GRM7: variants seen among roughly 807,000 people sequenced by gnomAD.
GRM7 encodes metabotropic glutamate receptor 7.
In GRM7, 35 loss-of-function variants were observed where a neutral mutation model predicts 84.5. The observed-to-expected ratio is 0.41, with a 90% CI of 0.32 to 0.55. The LOEUF is 0.55. Ranked by LOEUF, GRM7 falls within the 20% of genes least tolerant of loss-of-function variation. The pLI, the probability that GRM7 is intolerant of heterozygous loss-of-function variation, is 0.19. For synonymous variants in GRM7, 487 were observed against 455.1 expected (o/e 1.07, Z -0.89); for missense variants, 1,003 against 1,194.6 (o/e 0.84, Z 2.36).
At chr3:7,200,795 G>A (rs929056037) in intron 2 of GRM7, among the ~76,000 whole-genome samples, 3 of 152,052 alleles carry the variant, frequency 2.0e-5, no homozygotes, top group African/African-American at 7.2e-5. Context: ...CATCTCAAGT[G>A]ACTGCAACAA....
chr3:7,729,042 CTTT>C (rs5846541), intron 9 of GRM7, among the ~76,000 whole-genome samples: 51 of 55,866 alleles, frequency 9.1e-4, no homozygotes, highest in South Asian at 4.2e-3. Context: ...TGCCCTCAGG[CTTT>C]TTTTTTTTTT....
At chr3:7,659,493 T>C (rs1424385191) in intron 8 of GRM7, among the ~76,000 whole-genome samples, 1 of 152,104 alleles carries the variant, frequency 6.6e-6, no homozygotes, top group Non-Finnish European at 1.5e-5. Context: ...GCACCAAGCC[T>C]GACACATAGT....
chr3:7,347,249 T>C (rs1220616105), intron 4 of GRM7, among the ~76,000 whole-genome samples: 1 of 152,148 alleles, frequency 6.6e-6, no homozygotes, highest in Non-Finnish European at 1.5e-5. Context: ...TGCTTAAAAC[T>C]ATTTCAAGGC....
intron 7 of GRM7, among the ~76,000 whole-genome samples, chr3:7,467,946 A>G (rs186137130): frequency 1.1e-3 from 168 of 152,338 alleles, no homozygotes; most frequent in African/African-American, 3.7e-3. Flanking sequence ...CAAAAGTTGT[A>G]ATGTTTGTTC....
intron 8 of GRM7, among the ~76,000 whole-genome samples, chr3:7,597,289 A>C (rs772840485): frequency 1.3e-5 from 2 of 152,102 alleles, no homozygotes; most frequent in Non-Finnish European, 2.9e-5. Context: ...CCCACTAGCT[A>C]TTGCAAAGAC....
At chr3:6,924,162 A>C (rs913856930) in intron 1 of GRM7, among the ~76,000 whole-genome samples, 1 of 152,194 alleles carries the variant, frequency 6.6e-6, no homozygotes, top group Non-Finnish European at 1.5e-5. Context: ...AATTCTTCCC[A>C]TCTGCTCTCG....
chr3:7,242,934 G>C (rs956330256), intron 2 of GRM7, among the ~76,000 whole-genome samples: 3 of 152,110 alleles, frequency 2.0e-5, no homozygotes, highest in South Asian at 2.1e-4. Flanking sequence ...CCATAAAATA[G>C]TGTAGATTAA....
intron 1 of GRM7, among the ~76,000 whole-genome samples, chr3:6,973,893 T>C (rs1198215032): frequency 6.6e-6 from 1 of 152,152 alleles, no homozygotes; most frequent in African/African-American, 2.4e-5. Context: ...AAAGTCATGG[T>C]AGAAATTTGA....
chr3:7,326,284 C>T (rs1053311676), intron 4 of GRM7, among the ~76,000 whole-genome samples: 1 of 122,470 alleles, frequency 8.2e-6, no homozygotes, highest in Non-Finnish European at 1.8e-5. Flanking sequence ...ATAGGTGTCT[C>T]ACTTCTTCAG....
At chr3:7,399,863 G>T (rs963600011) in intron 4 of GRM7, among the ~76,000 whole-genome samples, 2 of 152,104 alleles carry the variant, frequency 1.3e-5, no homozygotes, top group Admixed American at 1.3e-4. Context: ...GCTGTGAGCC[G>T]TGCTTTTTGT....
chr3:7,240,272 A>C (rs188234628), intron 2 of GRM7, among the ~76,000 whole-genome samples: 69 of 151,798 alleles, frequency 4.5e-4, no homozygotes, highest in African/African-American at 1.6e-3. Flanking sequence ...TAAAAATATA[A>C]AATTAAGTAC....
intron 1 of GRM7, among the ~76,000 whole-genome samples, chr3:7,032,390 A>G (rs1696223773): frequency 6.6e-6 from 1 of 152,206 alleles, no homozygotes; most frequent in Admixed American, 6.5e-5. Flanking sequence ...CCATAAGGTT[A>G]TGTGAGCATT....
At chr3:7,097,942 A>C (rs534057183) in intron 1 of GRM7, among the ~76,000 whole-genome samples, 1 of 152,244 alleles carries the variant, frequency 6.6e-6, no homozygotes, top group South Asian at 2.1e-4. Flanking sequence ...TGAGTGTCTA[A>C]GAAAGTCCAA....
At chr3:7,525,352 C>T (rs1352194657) in intron 7 of GRM7, among the ~76,000 whole-genome samples, 1 of 152,012 alleles carries the variant, frequency 6.6e-6, no homozygotes, top group Non-Finnish European at 1.5e-5. Context: ...CCCAGGTGAA[C>T]TGAATCCAAA....
At chr3:7,079,941 G>C (rs917895296) in intron 1 of GRM7, among the ~76,000 whole-genome samples, 1 of 152,090 alleles carries the variant, frequency 6.6e-6, no homozygotes, top group Non-Finnish European at 1.5e-5. Flanking sequence ...TGGAAATTCT[G>C]ATGCCAGAGT....
intron 2 of GRM7, among the ~76,000 whole-genome samples, chr3:7,287,393 C>T (rs529647184): frequency 3.9e-5 from 6 of 152,106 alleles, no homozygotes; most frequent in South Asian, 4.1e-4. Flanking sequence ...TTATCTCATA[C>T]GCTTAGAAAA....
chr3:7,070,171 G>T (rs1240350764), intron 1 of GRM7, among the ~76,000 whole-genome samples: 3 of 151,802 alleles, frequency 2.0e-5, no homozygotes. Flanking sequence ...TTTCCAAAGT[G>T]TATTTCATTT....
At chr3:7,636,801 C>A (rs890833544) in intron 8 of GRM7, among the ~76,000 whole-genome samples, 1 of 152,060 alleles carries the variant, frequency 6.6e-6, no homozygotes, top group Non-Finnish European at 1.5e-5. Context: ...TCTCAGTGCC[C>A]AAGATTCAAT....
At chr3:7,360,458 T>C (rs1367662956) in intron 4 of GRM7, among the ~76,000 whole-genome samples, 1 of 152,128 alleles carries the variant, frequency 6.6e-6, no homozygotes, top group Non-Finnish European at 1.5e-5. Flanking sequence ...GGGGTTACCA[T>C]AACAATTAAG....
Sources: gnomAD v4.1 joint callset for allele counts (sites outside exome capture counted in the v4.1 genomes callset) on GRCh38, gnomAD v4.1.1 for gene constraint, MANE v1.5 for transcripts, NCBI Gene and HGNC (gene_info 2026-07-23, HGNC 2026-07-21) for gene names.